Variants in OR10J1 observed in about 807,000 individuals in gnomAD.
OR10J1 encodes the protein olfactory receptor family 10 subfamily J member 1.
For missense variants in OR10J1, 474 were observed against 376.6 expected, an observed-to-expected ratio of 1.26 and a Z score of -2.14; for synonymous variants, 202 against 143.8, an observed-to-expected ratio of 1.40 and a Z score of -2.89.
the OR10J1 span, among the ~76,000 whole-genome samples, chr1:159,400,072 A>G: frequency 6.6e-6 from 1 of 152,140 alleles, no homozygotes; most frequent in South Asian, 2.1e-4. Flanking sequence ...CAACAGAAAA[A>G]ATCATCTTTA....
In OR10J1 at chr1:159,440,330, T is replaced by A. The variant is rs768123669; in HGVS notation, c.539T>A (p.Ile180Asn). 6.2e-7 allele frequency: 1 copy of A among 1,614,214 alleles called. No homozygotes were observed. Among genetic ancestry groups the A allele is most frequent in the Non-Finnish European group, 8.5e-7 (1 of 1,180,034 alleles). ...ARKVPHFFCDIRPVMKLSCID... is the reference protein window; with the variant it reads ...ARKVPHFFCDNRPVMKLSCID... The stretch of plus-strand genomic sequence containing the variant: ...AAGGTGCCCCACTTCTTCTGTGACA[T>A]CCGCCCTGTGATGAAGCTCTCCTGC... Residue 180 changes from isoleucine to asparagine, a missense_variant, in exon 1 of 1, where the codon ATC becomes AAC. Physicochemically the swap from Ile to Asn is moderately radical, Grantham distance 149. Transcript: ENST00000423932.
At chr1:159,398,047 A>G in the OR10J1 span, among the ~76,000 whole-genome samples, 1 of 152,220 alleles carries the variant, frequency 6.6e-6, no homozygotes, top group Non-Finnish European at 1.5e-5. Flanking sequence ...GGCTCAGAAA[A>G]GAGAAAGAGA....
the OR10J1 span, among the ~76,000 whole-genome samples, chr1:159,424,412 AT>A: frequency 6.7e-6 from 1 of 148,732 alleles, no homozygotes; most frequent in Admixed American, 6.8e-5. Context: ...ATGAATATAC[AT>A]ATATTCAAAT....
At chr1:159,398,423 C>G in the OR10J1 span, among the ~76,000 whole-genome samples, 1 of 152,026 alleles carries the variant, frequency 6.6e-6, no homozygotes, top group Non-Finnish European at 1.5e-5. Context: ...GCACTAGGGA[C>G]CAATCCTGAA....
the OR10J1 span, among the ~76,000 whole-genome samples, chr1:159,426,611 C>G: frequency 1.3e-5 from 2 of 151,448 alleles, no homozygotes; most frequent in Non-Finnish European, 3.0e-5. Flanking sequence ...TTGAAACTAA[C>G]AAAACATTCA....
At chr1:159,424,909 G>C in the OR10J1 span, among the ~76,000 whole-genome samples, 1 of 152,032 alleles carries the variant, frequency 6.6e-6, no homozygotes, top group Non-Finnish European at 1.5e-5. Context: ...ACACATTGAA[G>C]AGTACCATCA....
the OR10J1 span, chr1:159,406,192 G>T: frequency 1.9e-6 from 1 of 517,008 alleles, no homozygotes; most frequent in South Asian, 1.5e-5. Flanking sequence ...GAAGTACATG[G>T]GGGTGTGGAG....
At chr1:159,434,076 A>C (rs1265864991), upstream of OR10J1, among the ~76,000 whole-genome samples, 1 of 152,130 alleles carries the variant, frequency 6.6e-6, no homozygotes, top group East Asian at 1.9e-4. Flanking sequence ...CATTATTTTA[A>C]GTATGTTATT....
chr1:159,414,141 T>A, the OR10J1 span, among the ~76,000 whole-genome samples: 3 of 152,110 alleles, frequency 2.0e-5, no homozygotes, highest in Admixed American at 6.6e-5. Flanking sequence ...TTACAATACG[T>A]TGTTACTAGC....
chr1:159,400,685 C>T, the OR10J1 span, among the ~76,000 whole-genome samples: 1 of 151,656 alleles, frequency 6.6e-6, no homozygotes, highest in Non-Finnish European at 1.5e-5. Flanking sequence ...GACTTCAGTA[C>T]CCCACTTGCA....
chr1:159,403,897 G>C, the OR10J1 span, among the ~76,000 whole-genome samples: 1 of 152,098 alleles, frequency 6.6e-6, no homozygotes, highest in Admixed American at 6.6e-5. Flanking sequence ...TAAAGAAAAT[G>C]TGGTACATAT....
chr1:159,428,341 C>G, the OR10J1 span, among the ~76,000 whole-genome samples: 1 of 152,110 alleles, frequency 6.6e-6, no homozygotes, highest in Non-Finnish European at 1.5e-5. Context: ...CTAAACCCAT[C>G]TTTCTTCAGA....
rs761860171 is a variant in OR10J1 at position 159,440,766 on chromosome 1, G to A, written c.*45G>A. The A allele has an allele frequency of 1.7e-4, 268 of 1,571,774 alleles. No homozygotes were observed. The Admixed American group carries it at 4.6e-3, about 27-fold the overall frequency. ...CTGAGGCTGTCAACATCCACACTAGGCAGGAATATGAGGTGTAAACTCACA... is the reference window on the plus strand; with the variant it reads ...CTGAGGCTGTCAACATCCACACTAGACAGGAATATGAGGTGTAAACTCACA... On this transcript the variant is annotated 3_prime_UTR_variant, in exon 1 of 1. Transcript: ENST00000423932.
chr1:159,415,611 A>G, the OR10J1 span, among the ~76,000 whole-genome samples: 1 of 151,996 alleles, frequency 6.6e-6, no homozygotes, highest in South Asian at 2.1e-4. Context: ...GTGAAATATG[A>G]CATTGATATT....
chr1:159,430,281 C>T, the OR10J1 span, among the ~76,000 whole-genome samples: 2 of 151,928 alleles, frequency 1.3e-5, no homozygotes, highest in Non-Finnish European at 2.9e-5. Context: ...GAAATGCTGT[C>T]CAGTCTCCGC....
the OR10J1 span, among the ~76,000 whole-genome samples, chr1:159,410,924 A>C: frequency 6.6e-6 from 1 of 151,740 alleles, no homozygotes; most frequent in Non-Finnish European, 1.5e-5. Context: ...GTTTCAAAGA[A>C]CATCTTTATT....
chr1:159,436,266 G>C (rs1256676156), upstream of OR10J1, among the ~76,000 whole-genome samples: 1 of 151,896 alleles, frequency 6.6e-6, no homozygotes, highest in African/African-American at 2.4e-5. Flanking sequence ...CATTTTCTTT[G>C]CTTCATCTGT....
chr1:159,413,595 A>T, the OR10J1 span, among the ~76,000 whole-genome samples: 29 of 151,872 alleles, frequency 1.9e-4, no homozygotes, highest in African/African-American at 6.5e-4. Context: ...AAGAACAAAA[A>T]ACCAAACACC....
the OR10J1 span, chr1:159,405,664 G>T: frequency 2.0e-6 from 1 of 502,294 alleles, no homozygotes; most frequent in Non-Finnish European, 3.8e-6. Flanking sequence ...GGTGGCACAG[G>T]CCTTCTTCCT....
Sources: gnomAD v4.1 joint callset for allele counts (sites outside exome capture counted in the v4.1 genomes callset) on GRCh38, gnomAD v4.1.1 for gene constraint, MANE v1.5 for transcripts, NCBI Gene and HGNC (gene_info 2026-07-23, HGNC 2026-07-21) for gene names.